CRLF2: variants seen among roughly 807,000 people sequenced by gnomAD.
CRLF2 encodes cytokine receptor-like factor 2.
A neutral mutation model predicts 38.7 loss-of-function variants in CRLF2; 41 were observed. The observed-to-expected ratio is 1.06, with a 90% confidence interval of 0.83 to 1.37. CRLF2 has a LOEUF of 1.37. Ranked by LOEUF, CRLF2 falls within the 40% of genes most tolerant of loss-of-function variation. CRLF2 has a pLI of 0.00. For synonymous variants in CRLF2, 140 were observed against 128.8 expected (o/e 1.09, Z -0.59); for missense variants, 377 against 322.2 (o/e 1.17, Z -1.30).
rs185436425 is a variant in CRLF2, at chrX:1,206,780, T to C, written c.183-181A>G. On this transcript the variant is annotated intron_variant, in intron 2 of 7. Transcript: ENST00000400841. ...GTCTCAGCCTCCTGAGTAGCTGGGA[T>C]TACAGGCACCTGCCACCATATACAG... is the stretch of plus-strand genomic sequence containing the variant. 2.0e-3 allele frequency among the ~76,000 whole-genome samples: 304 copies of C among 151,370 alleles called. 7 individuals are homozygous for C. Among genetic ancestry groups the C allele is most frequent in the East Asian group, 0.013 (65 of 5,122 alleles).
At chrX:1,201,424 GATAC>G (rs2086603317) in intron 4 of CRLF2, among the ~76,000 whole-genome samples, 1 of 149,458 alleles carries the variant, frequency 6.7e-6, no homozygotes, top group Non-Finnish European at 1.5e-5. Context: ...AGAAATGATA[GATAC>G]ATAGATAAAA....
chrX:1,198,587 T>C lies in CRLF2; in HGVS notation c.621A>G (p.Thr207=), dbSNP rs1402710655. The C allele has an allele frequency of 1.2e-6, 2 of 1,613,726 alleles. No homozygotes were observed. Among genetic ancestry groups the C allele is most frequent in the African/African-American group, 1.3e-5 (1 of 75,024 alleles). Reference sequence around the variant, plus strand: ...CCCGAATCTCGCCTCTCTGCCAGCATGTCACCTCTGACCAGTCGCTTGGGT... The same window carrying C: ...CCCGAATCTCGCCTCTCTGCCAGCACGTCACCTCTGACCAGTCGCTTGGGT... ...DTYPSDWSEV[T]CWQRGEIRDA... is the part of the protein sequence containing the mutation. The change falls in exon 5 of 8, where the codon ACA becomes ACG. Residue 207 remains threonine, a synonymous_variant. Coordinates refer to ENST00000400841, the MANE Select transcript of CRLF2 (RefSeq NM_022148.4).
In CRLF2 at chrX:1,212,536, G is replaced by A. The variant is rs375666766; in HGVS notation, c.79+20C>T. 6.3e-7 allele frequency: 1 copy of A among 1,589,262 alleles called. No homozygotes were observed. Among genetic ancestry groups the A allele is most frequent in the Non-Finnish European group, 8.6e-7 (1 of 1,158,776 alleles). ...ACCACAAACCAAAATACAACAAGAA[G>A]AGGGTGTTTAAATAATTACCTGCTC... is the stretch of plus-strand genomic sequence containing the variant. On this transcript the variant is annotated intron_variant, in intron 1 of 7. Transcript: ENST00000400841.
intron 1 of CRLF2, among the ~76,000 whole-genome samples, chrX:1,211,708 G>A (rs1490353679): frequency 1.8e-5 from 2 of 112,160 alleles, no homozygotes; most frequent in Admixed American, 9.1e-5. Flanking sequence ...TTGGTGGATG[G>A]ATGGGTGGAT....
At chrX:1,209,076 C>A (rs1361373142) in intron 1 of CRLF2, among the ~76,000 whole-genome samples, 168 bp from the exon 2 acceptor site, 1 of 143,822 alleles carries the variant, frequency 7.0e-6, no homozygotes, top group African/African-American at 2.6e-5. Context: ...CAAGCGATTC[C>A]CCTGCCTCAG....
rs2086374038 is a variant in CRLF2 at position 1,191,337 on chromosome X, C to CTTTCTTTCTTTCTTTCT, written c.853-178_853-177insAGAAAGAAAGAAAGAAA. ...TCTTTCTTTCTTTCTTTCTTTCTTT[C>CTTTCTTTCTTTCTTTCT]TTTCTTTCCTTCTTTCTTTCTTTCC... On this transcript the variant is annotated intron_variant, in intron 7 of 7. Coordinates refer to ENST00000400841, the MANE Select transcript of CRLF2 (RefSeq NM_022148.4). Among the ~76,000 whole-genome samples, 97 of 115,828 alleles carry CTTTCTTTCTTTCTTTCT rather than the reference C, an allele frequency of 8.4e-4. 3 individuals carry two copies. The South Asian group carries it at 0.031, about 37-fold the overall frequency. The allele number at this position is 115,828 out of a possible 152,430, so 76.0% of individuals were successfully genotyped here.
chrX:1,198,828 G>C (rs2086549661), intron 4 of CRLF2, 104 bp from the exon 5 acceptor site: 1 of 1,158,880 alleles, frequency 8.6e-7, no homozygotes, highest in Non-Finnish European at 1.2e-6. Flanking sequence ...TCCTTCCGGA[G>C]GGTTCACAGT....
intron 5 of CRLF2, among the ~76,000 whole-genome samples, chrX:1,197,763 A>G (rs191952750): frequency 6.6e-5 from 10 of 151,882 alleles, no homozygotes; most frequent in East Asian, 5.8e-4. Context: ...GCAGTGAGCC[A>G]AGACCGTGCC....
intron 3 of CRLF2, among the ~76,000 whole-genome samples, chrX:1,205,470 G>A (rs1311422085): frequency 6.6e-6 from 1 of 152,138 alleles, no homozygotes; most frequent in Non-Finnish European, 1.5e-5. Flanking sequence ...TGAAAAGCAT[G>A]CTGAGCTTGC....
intron 3 of CRLF2, among the ~76,000 whole-genome samples, chrX:1,205,313 C>G (rs557193435): frequency 6.6e-6 from 1 of 152,206 alleles, no homozygotes; most frequent in African/African-American, 2.4e-5. Context: ...ATTTTCAGAA[C>G]TTAACTGAAA....
rs766971207 is a variant in CRLF2, at chrX:1,198,122, T to C, written c.646+440A>G. Among the ~76,000 whole-genome samples the C allele has an allele frequency of 1.4e-3, 215 of 151,184 alleles. 1 individual carries two copies. Among genetic ancestry groups the C allele is most frequent in the African/African-American group, 5.0e-3 (204 of 41,032 alleles). ...AGGCTGAGCTTGCTCAGACACACCC[T>C]CCTGGGAAGGCAGGACACCCTCCCT... is the stretch of plus-strand genomic sequence containing the variant. On this transcript the variant is annotated intron_variant, in intron 5 of 7. Coordinates refer to ENST00000400841, the MANE Select transcript of CRLF2 (RefSeq NM_022148.4).
At chrX:1,211,522 T>C (rs1360584675) in intron 1 of CRLF2, among the ~76,000 whole-genome samples, 20 of 47,300 alleles carry the variant, frequency 4.2e-4, no homozygotes, top group Non-Finnish European at 5.7e-4. Flanking sequence ...GGTGAATGCA[T>C]GGATAGATGG....
At chrX:1,197,803 G>C (rs1338579469) in intron 5 of CRLF2, among the ~76,000 whole-genome samples, 1 of 150,294 alleles carries the variant, frequency 6.7e-6, no homozygotes, top group Non-Finnish European at 1.5e-5. Flanking sequence ...CACAGACTGA[G>C]ACTCCCTCTA....
chrX:1,200,041 GTA>G (rs2086573075), intron 4 of CRLF2, among the ~76,000 whole-genome samples: 2 of 143,958 alleles, frequency 1.4e-5, no homozygotes, highest in Admixed American at 1.5e-4. Context: ...ATATGTGTGT[GTA>G]TATATGTGTG....
chrX:1,210,861 G>A (rs1356438501), intron 1 of CRLF2, among the ~76,000 whole-genome samples: 3 of 152,204 alleles, frequency 2.0e-5, no homozygotes, highest in African/African-American at 7.2e-5. Context: ...TGGAAGACAA[G>A]TGGATGGGTG....
At chrX:1,192,382 G>A (rs1159598638) in intron 7 of CRLF2, among the ~76,000 whole-genome samples, 4 of 151,518 alleles carry the variant, frequency 2.6e-5, no homozygotes, top group Admixed American at 6.6e-5. Context: ...CCAGCACTTC[G>A]GGAGGCCAAG....
At chrX:1,198,398 T>C (rs1214089768) in intron 5 of CRLF2, among the ~76,000 whole-genome samples, 164 bp downstream of exon 5, 9 of 60,936 alleles carry the variant, frequency 1.5e-4, no homozygotes, top group Non-Finnish European at 2.6e-4. Flanking sequence ...CCCTCCCACC[T>C]CGAAGGCAGG....
Position 1,198,682 on chromosome X carries a change from C to A in CRLF2, c.526G>T (p.Asp176Tyr). 6.2e-7 allele frequency: 1 copy of A among 1,611,840 alleles called. No homozygotes were observed. The highest frequency in any genetic ancestry group is 2.2e-5 in the East Asian group (1 of 44,716). ...CAGAAAGAGTAACACTTCTCGGCAT[C>A]CAAGCCTTCTATGGTGACGTTGCAG... ...NTCNVTIEGL[D>Y]AEKCYSFWVR... Residue 176 changes from aspartate to tyrosine, a missense_variant, in exon 5 of 8, where the codon GAT (aspartate) becomes TAT (tyrosine). By Grantham distance (160) the Asp-to-Tyr change is radical. Coordinates refer to ENST00000400841, the MANE Select transcript of CRLF2 (RefSeq NM_022148.4).
intron 7 of CRLF2, among the ~76,000 whole-genome samples, chrX:1,192,079 C>G: frequency 6.7e-6 from 1 of 148,914 alleles, no homozygotes. Flanking sequence ...GTGGCGGGCG[C>G]CTGTAGTCCC....
Sources: allele counts gnomAD v4.1 joint callset (sites outside exome capture counted in the v4.1 genomes callset), GRCh38; gene constraint gnomAD v4.1.1; transcripts MANE v1.5; gene names NCBI Gene and HGNC (gene_info 2026-07-23, HGNC 2026-07-21).